The following DPP10 variants were observed in gnomAD, a reference collection of about 807,000 sequenced individuals.
The protein encoded by DPP10 is inactive dipeptidyl peptidase 10.
DPP10 carries 33 observed loss-of-function variants against 120.9 expected under a neutral mutation model. The ratio of observed to expected loss-of-function variants is 0.27; its 90% CI spans 0.21 to 0.37. The LOEUF (loss-of-function observed/expected upper bound fraction) is 0.37, where lower values mean the gene tolerates loss of function less well. Ranked by LOEUF, DPP10 falls within the 10% of genes least tolerant of loss-of-function variation. The probability of loss-of-function intolerance (pLI) is 1.00; values close to 1 mark genes in which losing one functional copy is unlikely to be tolerated. For missense variants in DPP10, 816 were observed against 942.8 expected (o/e 0.87, Z 1.76); for synonymous variants, 337 against 326.1 (o/e 1.03, Z -0.36).
At chr2:115,629,684 G>C (rs1411590004) in intron 5 of DPP10, among the ~76,000 whole-genome samples, 1 of 152,098 alleles carries the variant, frequency 6.6e-6, no homozygotes, top group Non-Finnish European at 1.5e-5. Context: ...GCTTGTTTTT[G>C]TCAGGTTTGT....
At chr2:114,505,051 CAAAAAAAA>C (rs3061538) in intron 1 of DPP10, among the ~76,000 whole-genome samples, 68 of 44,908 alleles carry the variant, frequency 1.5e-3, no homozygotes, top group Non-Finnish European at 2.2e-3. Context: ...GACTCTGTCT[CAAAAAAAA>C]AAAAAAAAAA....
chr2:114,658,059 T>C (rs1697095875), intron 1 of DPP10, among the ~76,000 whole-genome samples: 1 of 152,220 alleles, frequency 6.6e-6, no homozygotes, highest in South Asian at 2.1e-4. Context: ...GATATATGCA[T>C]TCATATATTT....
At position 114,725,589 on chromosome 2, in the gene DPP10, C is replaced by G. The variant is rs540500058; in HGVS notation, c.60+282751C>G. Among the ~76,000 whole-genome samples the G allele has an allele frequency of 4.6e-5, 7 of 152,274 alleles. 1 individual carries two copies. In the East Asian group the frequency reaches 9.7e-4, roughly 21 times the overall value. On this transcript the variant is annotated intron_variant, in intron 1 of 25. Transcript: ENST00000410059. ...AGTGCATCTGAAGCTTTTCATATAACGATGATGAAGACGGCTGATTTTTAC... is the reference window on the plus strand; with the variant it reads ...AGTGCATCTGAAGCTTTTCATATAAGGATGATGAAGACGGCTGATTTTTAC...
chr2:114,647,772 T>C (rs1217985211), intron 1 of DPP10, among the ~76,000 whole-genome samples: 1 of 150,900 alleles, frequency 6.6e-6, no homozygotes, highest in Non-Finnish European at 1.5e-5. Context: ...GCATTTCTCT[T>C]ACTGGAAACC....
intron 1 of DPP10, among the ~76,000 whole-genome samples, chr2:114,592,277 A>C (rs977288845): frequency 1.3e-5 from 2 of 152,116 alleles, no homozygotes; most frequent in Non-Finnish European, 2.9e-5. Context: ...CGATTATTTC[A>C]CTGCCTATAC....
intron 2 of DPP10, among the ~76,000 whole-genome samples, chr2:115,320,622 C>A (rs1290129279): frequency 1.3e-5 from 2 of 151,940 alleles, no homozygotes; most frequent in Non-Finnish European, 2.9e-5. Context: ...TTCACCCTTA[C>A]AATATTGTTT....
At position 115,334,230 on chromosome 2, in the gene DPP10, G is replaced by GTTTTTTTTTTTTTTTTTTTTTTTGT; in HGVS notation, c.176-9571_176-9570insTTTTTTTGTTTTTTTTTTTTTTTTT. On this transcript the variant is annotated intron_variant, in intron 2 of 25. Transcript: ENST00000410059. ...TCAGGAATGGACCAGAGCAGACTCT[G>GTTTTTTTTTTTTTTTTTTTTTTTGT]TTTTTTTTTTTTTTTTAAGAAACCT... 7.6e-4 allele frequency among the ~76,000 whole-genome samples: 43 copies of GTTTTTTTTTTTTTTTTTTTTTTTGT among 56,310 alleles called. 1 individual carries two copies. The highest frequency in any genetic ancestry group is 1.9e-3 in the African/African-American group (39 of 20,338). 36.9% of individuals were successfully genotyped at this position (56,310 alleles called of 152,430 possible).
At chr2:115,448,676 TAATA>T (rs1373891339) in intron 3 of DPP10, among the ~76,000 whole-genome samples, 2 of 152,180 alleles carry the variant, frequency 1.3e-5, no homozygotes, top group Non-Finnish European at 2.9e-5. Flanking sequence ...AATGAAAAGA[TAATA>T]AATATTTATT....
chr2:115,739,618 T>G, intron 8 of DPP10, 121 bp from the exon 9 acceptor site: 1 of 1,062,866 alleles, frequency 9.4e-7, no homozygotes, highest in South Asian at 1.7e-5. Flanking sequence ...GGGAAGTTAA[T>G]AAAATTCAAT....
At chr2:115,351,939 C>T (rs559391247) in intron 3 of DPP10, among the ~76,000 whole-genome samples, 9 of 151,830 alleles carry the variant, frequency 5.9e-5, no homozygotes, top group Non-Finnish European at 8.8e-5. Context: ...ATACTAACTA[C>T]GATATTCAAA....
At chr2:114,723,895 T>A (rs1701870853) in intron 1 of DPP10, among the ~76,000 whole-genome samples, 1 of 152,196 alleles carries the variant, frequency 6.6e-6, no homozygotes, top group African/African-American at 2.4e-5. Context: ...TAATTGAATG[T>A]TGGAAGTCAC....
At chr2:115,763,856 T>G (rs960154723) in intron 12 of DPP10, among the ~76,000 whole-genome samples, 1 of 152,214 alleles carries the variant, frequency 6.6e-6, no homozygotes. Context: ...TGAAAGCTTT[T>G]TCAGCTCTGA....
Position 115,380,506 on chromosome 2 carries a change from A to G in DPP10, c.271+36594A>G, listed in dbSNP as rs181156588. 5.0e-3 allele frequency among the ~76,000 whole-genome samples: 757 copies of G among 152,242 alleles called. 9 individuals are homozygous for G. Among genetic ancestry groups the G allele is most frequent in the African/African-American group, 0.016 (683 of 41,532 alleles). On this transcript the variant is annotated intron_variant, in intron 3 of 25. Coordinates refer to ENST00000410059, the MANE Select transcript of DPP10 (RefSeq NM_020868.6). The stretch of plus-strand genomic sequence containing the variant: ...ACTGATAGGTCTTGACTCTTTATCC[A>G]GTTTGCCAGTCTGTGTCTTTTAATT...
At chr2:115,712,456 G>A (rs1181458850) in intron 7 of DPP10, among the ~76,000 whole-genome samples, 1 of 146,784 alleles carries the variant, frequency 6.8e-6, no homozygotes, top group Admixed American at 6.9e-5. Flanking sequence ...GGGGGTTAGG[G>A]ACCCCTAATT....
At chr2:115,158,222 C>T (rs2052051053) in intron 1 of DPP10, among the ~76,000 whole-genome samples, 1 of 152,170 alleles carries the variant, frequency 6.6e-6, no homozygotes, top group Non-Finnish European at 1.5e-5. Context: ...AATTTTGCCA[C>T]AGATACCAAA....
intron 21 of DPP10, among the ~76,000 whole-genome samples, chr2:115,822,213 T>A (rs1225820120): frequency 2.0e-5 from 3 of 151,992 alleles, no homozygotes; most frequent in Non-Finnish European, 4.4e-5. Flanking sequence ...CAACTTACAC[T>A]TTCATATTAA....
chr2:115,511,039 A>G (rs1182564250), intron 4 of DPP10, among the ~76,000 whole-genome samples: 1 of 152,138 alleles, frequency 6.6e-6, no homozygotes, highest in East Asian at 1.9e-4. Context: ...TTATACTCAT[A>G]AGGGGTTATC....
intron 1 of DPP10, among the ~76,000 whole-genome samples, chr2:114,985,624 G>C (rs1195552258): frequency 6.6e-6 from 1 of 152,192 alleles, no homozygotes; most frequent in African/African-American, 2.4e-5. Flanking sequence ...ATGGCTCAGG[G>C]CTGAGACCAT....
intron 1 of DPP10, among the ~76,000 whole-genome samples, chr2:115,149,542 C>G (rs781027779): frequency 1.3e-5 from 2 of 152,162 alleles, no homozygotes; most frequent in Admixed American, 6.5e-5. Context: ...CAGGTGGAGG[C>G]TTTTCAAGGT....
Sources: allele counts gnomAD v4.1 joint callset (sites outside exome capture counted in the v4.1 genomes callset), GRCh38; gene constraint gnomAD v4.1.1; transcripts MANE v1.5; gene names NCBI Gene and HGNC (gene_info 2026-07-23, HGNC 2026-07-21).